Variants in ATXN1 observed in about 807,000 individuals in gnomAD.
ATXN1 encodes the protein ataxin-1.
In ATXN1, 8 loss-of-function variants were observed where a neutral mutation model predicts 56.4. That is an observed-to-expected ratio of 0.14 (90% CI 0.08 to 0.26). ATXN1 has a LOEUF of 0.26. ATXN1 is among the 10% of genes least tolerant of loss of function. ATXN1 has a pLI of 1.00. For missense variants in ATXN1, 987 were observed against 1,106.5 expected (o/e 0.89, Z 1.53); for synonymous variants, 514 against 494.6 (o/e 1.04, Z -0.52).
intron 6 of ATXN1, among the ~76,000 whole-genome samples, chr6:16,440,017 G>A (rs1759481546): frequency 1.3e-5 from 2 of 150,872 alleles, no homozygotes; most frequent in African/African-American, 4.9e-5. Context: ...GGAGGTTGCA[G>A]TGAGCTGAGA....
intron 2 of ATXN1, among the ~76,000 whole-genome samples, chr6:16,689,053 GTGTGTA>G (rs1030186571): frequency 4.6e-5 from 7 of 151,978 alleles, no homozygotes; most frequent in African/African-American, 1.7e-4. Context: ...TACTCTGTGT[GTGTGTA>G]TGTGTGTGTG....
At chr6:16,626,199 C>T (rs1399068512) in intron 3 of ATXN1, among the ~76,000 whole-genome samples, 2 of 152,210 alleles carry the variant, frequency 1.3e-5, no homozygotes, top group East Asian at 3.8e-4. Context: ...CATATTATTG[C>T]AAAGTTAACA....
Position 16,473,318 on chromosome 6 carries a change from G to A in ATXN1, c.-161+12654C>T, listed in dbSNP as rs143694540. 6.3e-3 allele frequency among the ~76,000 whole-genome samples: 963 copies of A among 152,270 alleles called. 2 individuals are homozygous for A. Among genetic ancestry groups the A allele is most frequent in the Middle Eastern group, 0.014 (4 of 294 alleles). ...AACAAACTGGTCCCCAAACGTACCG[G>A]TGAAAACCACACGTTCTCACTCTTG... On this transcript the variant is annotated intron_variant, in intron 6 of 7. Transcript: ENST00000436367.
chr6:16,459,439 C>T (rs1759946476), intron 6 of ATXN1, among the ~76,000 whole-genome samples: 1 of 152,162 alleles, frequency 6.6e-6, no homozygotes, highest in African/African-American at 2.4e-5. Flanking sequence ...GCAGTAGCCC[C>T]TGCAACACCC....
intron 3 of ATXN1, among the ~76,000 whole-genome samples, chr6:16,613,704 C>CT (rs1763155595): frequency 6.6e-6 from 1 of 152,082 alleles, no homozygotes. Flanking sequence ...TGGCATGCAC[C>CT]TGCAGTCCCA....
rs1412446981 is a variant in ATXN1 at position 16,471,090 on chromosome 6, T to C, written c.-161+14882A>G. On this transcript the variant is annotated intron_variant, in intron 6 of 7. Transcript: ENST00000436367. ...AACAAACTGCGCCTACTTTGAAATT[T>C]CCCCCACAGCACAGATGACCTTTTG... Among the ~76,000 whole-genome samples, 3 of 152,070 alleles carry C rather than the reference T, an allele frequency of 2.0e-5. No homozygotes were observed. The East Asian group carries it at 5.8e-4, about 29-fold the overall frequency.
chr6:16,544,903 G>A (rs1385311929), intron 4 of ATXN1, among the ~76,000 whole-genome samples: 2 of 152,142 alleles, frequency 1.3e-5, no homozygotes, highest in Non-Finnish European at 2.9e-5. Context: ...GAGAAGATGA[G>A]TAGAAATAAG....
chr6:16,751,885 T>A (rs1760730295), intron 2 of ATXN1, among the ~76,000 whole-genome samples: 1 of 152,206 alleles, frequency 6.6e-6, no homozygotes, highest in Admixed American at 6.5e-5. Flanking sequence ...CCACAGTATA[T>A]CTACTATTTT....
chr6:16,505,265 G>T (rs945290969), intron 5 of ATXN1, among the ~76,000 whole-genome samples: 2 of 152,048 alleles, frequency 1.3e-5, no homozygotes, highest in African/African-American at 4.8e-5. Context: ...TTCACTAACA[G>T]GCAAGCTTAC....
chr6:16,654,099 A>G (rs758555751), intron 3 of ATXN1, among the ~76,000 whole-genome samples: 3 of 152,170 alleles, frequency 2.0e-5, no homozygotes, highest in Non-Finnish European at 2.9e-5. Flanking sequence ...GGATTAGACC[A>G]CCCTTGGGAA....
chr6:16,584,134 C>A (rs552379991), intron 4 of ATXN1, among the ~76,000 whole-genome samples: 6 of 151,130 alleles, frequency 4.0e-5, no homozygotes, highest in African/African-American at 1.5e-4. Context: ...AATTTGAGCC[C>A]AGGCAGCCTG....
chr6:16,746,159 G>A (rs1760530564), intron 2 of ATXN1, among the ~76,000 whole-genome samples: 1 of 152,078 alleles, frequency 6.6e-6, no homozygotes, highest in South Asian at 2.1e-4. Flanking sequence ...GAGCCAGAAG[G>A]ATTCAAGCCT....
At position 16,341,774 on chromosome 6, in the gene ATXN1, C is replaced by G. The variant is rs557959784; in HGVS notation, c.-160-13304G>C. On this transcript the variant is annotated intron_variant, in intron 6 of 7. Coordinates refer to ENST00000436367, the MANE Select transcript of ATXN1 (RefSeq NM_001128164.2). ...GACCTCTTGATCTGCCTGCCTCGGCCTCCCAAAGTACTGGGATTATAGGCG... is the reference window on the plus strand; with the variant it reads ...GACCTCTTGATCTGCCTGCCTCGGCGTCCCAAAGTACTGGGATTATAGGCG... 2.0e-5 allele frequency among the ~76,000 whole-genome samples: 3 copies of G among 152,144 alleles called. No individual in the cohort carries two copies. In the East Asian group the frequency reaches 5.8e-4, roughly 29 times the overall value.
chr6:16,384,233 T>G (rs916328255), intron 6 of ATXN1, among the ~76,000 whole-genome samples: 2 of 152,134 alleles, frequency 1.3e-5, no homozygotes, highest in Non-Finnish European at 2.9e-5. Context: ...ACTCAGGACA[T>G]GGACCAATAC....
At chr6:16,519,842 C>T (rs1041262140) in intron 5 of ATXN1, among the ~76,000 whole-genome samples, 1 of 152,134 alleles carries the variant, frequency 6.6e-6, no homozygotes, top group Non-Finnish European at 1.5e-5. Flanking sequence ...CAAGATGGAC[C>T]GAGACAGGAG....
intron 1 of ATXN1, among the ~76,000 whole-genome samples, chr6:16,759,342 T>C (rs187952129): frequency 1.3e-5 from 2 of 152,360 alleles, no homozygotes; most frequent in South Asian, 2.1e-4. Context: ...TTTTATTCTG[T>C]GGGTGTAATA....
chr6:16,727,390 T>G (rs918680813), intron 2 of ATXN1, among the ~76,000 whole-genome samples: 1 of 152,164 alleles, frequency 6.6e-6, no homozygotes, highest in African/African-American at 2.4e-5. Context: ...TCAATTATTG[T>G]AACACACAAA....
At chr6:16,700,495 A>G (rs1581376199) in intron 2 of ATXN1, among the ~76,000 whole-genome samples, 1 of 152,234 alleles carries the variant, frequency 6.6e-6, no homozygotes, top group East Asian at 1.9e-4. Context: ...TAATAACCTT[A>G]CCAGGAGATC....
chr6:16,694,017 C>G (rs1759103606), intron 2 of ATXN1, among the ~76,000 whole-genome samples: 1 of 152,200 alleles, frequency 6.6e-6, no homozygotes, highest in Non-Finnish European at 1.5e-5. Flanking sequence ...AAAGTCAAAA[C>G]TTGAAACAAT....
Sources: allele counts gnomAD v4.1 joint callset (sites outside exome capture counted in the v4.1 genomes callset), GRCh38; gene constraint gnomAD v4.1.1; transcripts MANE v1.5; gene names NCBI Gene and HGNC (gene_info 2026-07-23, HGNC 2026-07-21).